PRKCA: variants seen among roughly 807,000 people sequenced by gnomAD.
PRKCA encodes protein kinase C alpha type.
In PRKCA, 27 loss-of-function variants were observed where a neutral mutation model predicts 87.0. The observed-to-expected ratio is 0.31, with a 90% confidence interval of 0.23 to 0.43. PRKCA has a LOEUF of 0.43. PRKCA is among the 20% of genes least tolerant of loss of function. The pLI is 1.00. For missense variants in PRKCA, 518 were observed against 852.3 expected, an observed-to-expected ratio of 0.61 and a Z score of 4.88; for synonymous variants, 329 against 311.1, an observed-to-expected ratio of 1.06 and a Z score of -0.61.
At chr17:66,682,339 T>A (rs1972515490) in intron 5 of PRKCA, among the ~76,000 whole-genome samples, 1 of 152,256 alleles carries the variant, frequency 6.6e-6, no homozygotes, top group Non-Finnish European at 1.5e-5. Flanking sequence ...AAAATGAGAA[T>A]ATAATTAGTA....
intron 3 of PRKCA, among the ~76,000 whole-genome samples, chr17:66,609,184 A>G (rs1970285448): frequency 6.6e-6 from 1 of 152,108 alleles, no homozygotes; most frequent in African/African-American, 2.4e-5. Context: ...TTAAACACAG[A>G]GGAGTGTTGA....
chr17:66,544,008 T>C (rs1427318569), intron 3 of PRKCA, among the ~76,000 whole-genome samples: 1 of 152,056 alleles, frequency 6.6e-6, no homozygotes, highest in Non-Finnish European at 1.5e-5. Context: ...GGTCAGGAGT[T>C]CGAGACCAGC....
At chr17:66,562,273 A>T (rs1428857589) in intron 3 of PRKCA, among the ~76,000 whole-genome samples, 3 of 148,804 alleles carry the variant, frequency 2.0e-5, no homozygotes, top group African/African-American at 7.4e-5. Context: ...GTAAAACATA[A>T]CAAAAGAATA....
chr17:66,425,455 G>A (rs1338100618), intron 2 of PRKCA, among the ~76,000 whole-genome samples: 2 of 152,104 alleles, frequency 1.3e-5, no homozygotes, highest in African/African-American at 4.8e-5. Context: ...GTTATTTGTT[G>A]CTTATTGTCT....
rs1294879198 is a variant in PRKCA at position 66,689,648 on chromosome 17, C to T, written c.918+601C>T. On this transcript the variant is annotated intron_variant, in intron 8 of 16. Transcript: ENST00000413366. This position sits in a 1 kb window ranked among gnomAD's most constrained non-coding sequence, Gnocchi z 4.1. Reference sequence around the variant, plus strand: ...TTCACTGGTCTTTTTACTTCTCCTCCTCTGCTCCTTACTCCTCTTTTTCTT... The same window carrying T: ...TTCACTGGTCTTTTTACTTCTCCTCTTCTGCTCCTTACTCCTCTTTTTCTT... 6.6e-6 allele frequency among the ~76,000 whole-genome samples: 1 copy of T among 152,140 alleles called. No homozygotes were observed. The highest frequency in any genetic ancestry group is 6.5e-5 in the Admixed American group (1 of 15,280).
At chr17:66,537,738 G>A (rs1463504424) in intron 3 of PRKCA, among the ~76,000 whole-genome samples, 4 of 152,110 alleles carry the variant, frequency 2.6e-5, no homozygotes, top group East Asian at 1.9e-4. Flanking sequence ...GCTCCTAGAC[G>A]TTTTATATTT....
intron 5 of PRKCA, among the ~76,000 whole-genome samples, chr17:66,666,837 C>G (rs941502705): frequency 6.6e-6 from 1 of 151,934 alleles, no homozygotes; most frequent in East Asian, 1.9e-4. Context: ...ATCCCCCCCC[C>G]ACACACAAAT....
At chr17:66,500,193 C>T (rs950319457) in intron 3 of PRKCA, among the ~76,000 whole-genome samples, 7 of 152,202 alleles carry the variant, frequency 4.6e-5, no homozygotes, top group African/African-American at 1.2e-4. Flanking sequence ...AATCTGCTGG[C>T]ACCTTGATCT....
At chr17:66,560,386 T>C (rs1968640968) in intron 3 of PRKCA, among the ~76,000 whole-genome samples, 2 of 152,214 alleles carry the variant, frequency 1.3e-5, no homozygotes, top group Admixed American at 1.3e-4. Flanking sequence ...GAACATTCTG[T>C]AAGTATTGCT....
At chr17:66,703,722 G>C (rs1973122158) in intron 8 of PRKCA, 1 of 151,842 alleles carries the variant, frequency 6.6e-6, no homozygotes, top group Non-Finnish European at 1.5e-5. Flanking sequence ...TTGAACCCAG[G>C]AGGTGGAGGT....
chr17:66,441,680 C>T (rs1913770294), intron 2 of PRKCA, among the ~76,000 whole-genome samples: 1 of 152,162 alleles, frequency 6.6e-6, no homozygotes, highest in South Asian at 2.1e-4. Flanking sequence ...GCACGGATAG[C>T]TGCTGTGCGG....
intron 2 of PRKCA, among the ~76,000 whole-genome samples, chr17:66,386,013 G>A (rs922017470): frequency 4.3e-5 from 6 of 139,088 alleles, no homozygotes; most frequent in African/African-American, 1.9e-4. Flanking sequence ...GCCCACCTCG[G>A]CCTCCCAAAG....
intron 8 of PRKCA, among the ~76,000 whole-genome samples, chr17:66,702,006 T>C (rs1450377869): frequency 3.3e-5 from 5 of 152,128 alleles, no homozygotes; most frequent in Admixed American, 3.3e-4. Flanking sequence ...AGAAGAGATA[T>C]CTGTACTCTC....
At chr17:66,618,016 T>C (rs1970561476) in intron 3 of PRKCA, among the ~76,000 whole-genome samples, 1 of 152,166 alleles carries the variant, frequency 6.6e-6, no homozygotes, top group African/African-American at 2.4e-5. Context: ...TAGTACACTG[T>C]TGGAAGAATC....
intron 14 of PRKCA, chr17:66,778,124 A>G: frequency 1.0e-6 from 1 of 985,412 alleles, no homozygotes; most frequent in Non-Finnish European, 1.2e-6. Context: ...ATAGTTCTGC[A>G]AACTTTCTGG....
chr17:66,685,620 C>T (rs572711664), intron 5 of PRKCA, among the ~76,000 whole-genome samples: 22 of 152,146 alleles, frequency 1.4e-4, no homozygotes, highest in Non-Finnish European at 2.2e-4. Flanking sequence ...TGGCAGGAGG[C>T]AGAACACAGT....
At chr17:66,747,426 T>C (rs112234935) in intron 13 of PRKCA, among the ~76,000 whole-genome samples, 2,452 of 152,336 alleles carry the variant, frequency 0.016, 30 homozygotes, top group Non-Finnish European at 0.024. Context: ...AGCATCGCTA[T>C]GGCGGGGGCT....
chr17:66,693,876 GC>G (rs1972846928), intron 8 of PRKCA, among the ~76,000 whole-genome samples: 1 of 152,132 alleles, frequency 6.6e-6, no homozygotes, highest in South Asian at 2.1e-4. Flanking sequence ...ACCAGAATTG[GC>G]CCAAGGGCCA....
At chr17:66,707,405 T>A (rs1359896607) in intron 8 of PRKCA, among the ~76,000 whole-genome samples, 1 of 152,138 alleles carries the variant, frequency 6.6e-6, no homozygotes, top group Non-Finnish European at 1.5e-5. Context: ...CACCTGCACT[T>A]TTTTGACAGC....
Sources: allele counts gnomAD v4.1 joint callset (sites outside exome capture counted in the v4.1 genomes callset), GRCh38; gene constraint gnomAD v4.1.1; non-coding constraint Gnocchi (gnomAD v3.1); transcripts MANE v1.5; gene names NCBI Gene and HGNC (gene_info 2026-07-23, HGNC 2026-07-21).